CNTNAP2: variants seen among roughly 807,000 people sequenced by gnomAD.
The protein encoded by CNTNAP2 is contactin associated protein 2, also known as contactin-associated protein-like 2.
CNTNAP2 carries 98 observed loss-of-function variants against 155.2 expected under a neutral mutation model. The observed-to-expected ratio is 0.63, with a 90% confidence interval of 0.54 to 0.75. CNTNAP2 has a LOEUF of 0.75. Ranked by LOEUF, CNTNAP2 falls within the 30% of genes least tolerant of loss-of-function variation. CNTNAP2 has a pLI of 0.00. For missense variants in CNTNAP2, 1,727 were observed against 1,688.1 expected, an observed-to-expected ratio of 1.02 and a Z score of -0.40; for synonymous variants, 651 against 631.2, an observed-to-expected ratio of 1.03 and a Z score of -0.47.
intron 9 of CNTNAP2, among the ~76,000 whole-genome samples, chr7:147,353,825 T>C (rs1331548621): frequency 6.6e-6 from 1 of 152,176 alleles, no homozygotes; most frequent in South Asian, 2.1e-4. Flanking sequence ...CCTGACTTAA[T>C]GATCGCCATT....
At chr7:147,738,104 G>A (rs1323171408) in intron 13 of CNTNAP2, among the ~76,000 whole-genome samples, 1 of 152,134 alleles carries the variant, frequency 6.6e-6, no homozygotes, top group Non-Finnish European at 1.5e-5. Context: ...CGTCTTTTGT[G>A]TCACTTACGC....
intron 4 of CNTNAP2, among the ~76,000 whole-genome samples, chr7:147,059,433 ATT>A (rs11365544): frequency 0.21 from 29,828 of 140,098 alleles, 3,054 homozygotes; most frequent in East Asian, 0.33. Context: ...GATAATTCTG[ATT>A]TTTTTTTTTT....
At chr7:148,303,988 C>T (rs1037379948) in intron 21 of CNTNAP2, among the ~76,000 whole-genome samples, 2 of 152,260 alleles carry the variant, frequency 1.3e-5, no homozygotes, top group East Asian at 1.9e-4. Flanking sequence ...ATCTGTTTAG[C>T]GAACTCTTTG....
intron 3 of CNTNAP2, among the ~76,000 whole-genome samples, chr7:146,996,674 T>G (rs961901640): frequency 6.6e-5 from 10 of 152,154 alleles, no homozygotes; most frequent in African/African-American, 2.2e-4. Flanking sequence ...CTTTAACTTT[T>G]TTTTTCCAAT....
intron 2 of CNTNAP2, among the ~76,000 whole-genome samples, chr7:146,810,552 G>C (rs1312784541): frequency 6.6e-6 from 1 of 150,736 alleles, no homozygotes; most frequent in African/African-American, 2.4e-5. Context: ...AAGTCTTTAG[G>C]GTTTTCTGTA....
intron 8 of CNTNAP2, among the ~76,000 whole-genome samples, chr7:147,135,884 G>A (rs1479116033): frequency 6.6e-6 from 1 of 150,576 alleles, no homozygotes. Context: ...TTGAAGTGTT[G>A]GAATTTTTAA....
intron 1 of CNTNAP2, among the ~76,000 whole-genome samples, chr7:146,260,936 T>C (rs1396095909): frequency 6.6e-6 from 1 of 152,140 alleles, no homozygotes; most frequent in Non-Finnish European, 1.5e-5. Flanking sequence ...CCAAATCTCA[T>C]CTCAAATTGT....
chr7:147,385,330 C>A (rs997076162), intron 9 of CNTNAP2, among the ~76,000 whole-genome samples: 4 of 152,108 alleles, frequency 2.6e-5, no homozygotes, highest in African/African-American at 9.7e-5. Context: ...CAACAGTCCC[C>A]CAAAGTCTTA....
intron 13 of CNTNAP2, among the ~76,000 whole-genome samples, chr7:147,788,459 A>G (rs1357417950): frequency 6.6e-6 from 1 of 152,204 alleles, no homozygotes; most frequent in Non-Finnish European, 1.5e-5. Flanking sequence ...TAGAGAAATC[A>G]AGATGCTCAA....
In CNTNAP2 at chr7:147,395,902, CCATT is replaced by C. The variant is rs1021825697; in HGVS notation, c.1670+125_1670+128del. The C allele has an allele frequency of 1.2e-4, 131 of 1,055,996 alleles. 1 individual carries two copies. The highest frequency in any genetic ancestry group is 1.4e-4 in the Non-Finnish European group (98 of 697,694). The allele number at this position is 1,055,996 out of a possible 1,614,324, so 65.4% of individuals were successfully genotyped here. A position where few individuals can be genotyped will look rare whatever the true frequency, so the allele number is the denominator to read the frequency against. On this transcript the variant is annotated intron_variant, in intron 10 of 23. Transcript: ENST00000361727. The stretch of plus-strand genomic sequence containing the variant: ...TTAAAAACAGGTAAGGTGGAAATTA[CCATT>C]CAAAGTACGTATTGTAGTATACTTG...
intron 3 of CNTNAP2, among the ~76,000 whole-genome samples, chr7:147,009,079 C>T (rs1798577636): frequency 6.6e-6 from 1 of 151,780 alleles, no homozygotes; most frequent in African/African-American, 2.4e-5. Flanking sequence ...ATACAAATGC[C>T]TTCCAAAGAT....
chr7:147,839,511 G>C (rs1563106935), intron 13 of CNTNAP2, among the ~76,000 whole-genome samples: 1 of 152,170 alleles, frequency 6.6e-6, no homozygotes. Flanking sequence ...GTAGGAGAAA[G>C]TGAGTAAAGA....
chr7:147,248,614 A>G (rs1454183893), intron 8 of CNTNAP2, among the ~76,000 whole-genome samples: 1 of 152,216 alleles, frequency 6.6e-6, no homozygotes, highest in African/African-American at 2.4e-5. Flanking sequence ...GTCATTAGTA[A>G]AGAAGTTGAG....
At chr7:148,230,421 G>C (rs550548835) in intron 20 of CNTNAP2, among the ~76,000 whole-genome samples, 13 of 152,154 alleles carry the variant, frequency 8.5e-5, no homozygotes, top group Non-Finnish European at 1.5e-4. Context: ...AATGTGAGGA[G>C]GTCTCCCTGG....
At chr7:147,423,428 C>A (rs826649) in intron 10 of CNTNAP2, among the ~76,000 whole-genome samples, 46,962 of 151,968 alleles carry the variant, frequency 0.31, 8,087 homozygotes, top group Admixed American at 0.37. Context: ...ATAGAGTACA[C>A]ACTACTTACA....
At chr7:148,068,842 T>C (rs983771) in intron 15 of CNTNAP2, among the ~76,000 whole-genome samples, 34,870 of 152,116 alleles carry the variant, frequency 0.23, 4,795 homozygotes, top group East Asian at 0.53. Context: ...GTTGTTTTAT[T>C]ACACACATGA....
At chr7:147,635,508 A>G (rs928851015) in intron 12 of CNTNAP2, among the ~76,000 whole-genome samples, 4 of 152,106 alleles carry the variant, frequency 2.6e-5, no homozygotes, top group African/African-American at 9.7e-5. Context: ...TATCGTAAGC[A>G]CTCAATAATA....
At chr7:147,520,698 G>A (rs766695788) in intron 11 of CNTNAP2, among the ~76,000 whole-genome samples, 9 of 152,182 alleles carry the variant, frequency 5.9e-5, no homozygotes, top group Non-Finnish European at 1.0e-4. Flanking sequence ...CCTAATGAGT[G>A]TCGTTATAGA....
chr7:146,947,106 C>A (rs922245309), intron 3 of CNTNAP2, among the ~76,000 whole-genome samples: 1 of 151,434 alleles, frequency 6.6e-6, no homozygotes, highest in African/African-American at 2.4e-5. Flanking sequence ...ACCTCAGCTC[C>A]CTGTAACTTC....
Sources: allele counts gnomAD v4.1 joint callset (sites outside exome capture counted in the v4.1 genomes callset), GRCh38; gene constraint gnomAD v4.1.1; transcripts MANE v1.5; gene names NCBI Gene and HGNC (gene_info 2026-07-23, HGNC 2026-07-21).